The following PTPRD variants were observed in gnomAD, a reference collection of about 807,000 sequenced individuals.
The protein encoded by PTPRD is receptor-type tyrosine-protein phosphatase delta.
In PTPRD, 34 loss-of-function variants were observed where a neutral mutation model predicts 214.5. The observed-to-expected ratio is 0.16, with a 90% confidence interval of 0.12 to 0.21. The LOEUF is 0.21. Ranked by LOEUF, PTPRD falls within the 10% of genes least tolerant of loss-of-function variation. The probability of loss-of-function intolerance (pLI) is 1.00; values close to 1 mark genes in which losing one functional copy is unlikely to be tolerated. For missense variants in PTPRD, 2,545 were observed against 2,398.7 expected, an observed-to-expected ratio of 1.06 and a Z score of -1.27; for synonymous variants, 1,128 against 845.7, an observed-to-expected ratio of 1.33 and a Z score of -5.79.
intron 7 of PTPRD, among the ~76,000 whole-genome samples, chr9:9,724,114 G>A (rs886422328): frequency 1.3e-5 from 2 of 152,156 alleles, no homozygotes; most frequent in East Asian, 1.9e-4. Context: ...GATGTTTTTT[G>A]TTATTGTTGT....
intron 4 of PTPRD, among the ~76,000 whole-genome samples, chr9:9,956,351 A>C (rs138299175): frequency 5.3e-5 from 8 of 151,934 alleles, no homozygotes; most frequent in African/African-American, 1.4e-4. Context: ...GATTTAATTG[A>C]GGCTGAGAGT....
At chr9:9,477,160 T>C (rs1477285018) in intron 8 of PTPRD, among the ~76,000 whole-genome samples, 1 of 152,228 alleles carries the variant, frequency 6.6e-6, no homozygotes, top group Non-Finnish European at 1.5e-5. Flanking sequence ...ACAGTATTTA[T>C]ACCCAGGACT....
chr9:9,582,005 G>C (rs1247426076), intron 7 of PTPRD, among the ~76,000 whole-genome samples: 1 of 152,078 alleles, frequency 6.6e-6, no homozygotes, highest in Non-Finnish European at 1.5e-5. Flanking sequence ...CACTTCAAAA[G>C]CTACTAGACA....
At chr9:8,862,141 G>A (rs1165087527) in intron 11 of PTPRD, 3 of 152,248 alleles carry the variant, frequency 2.0e-5, no homozygotes, top group African/African-American at 7.2e-5. Flanking sequence ...CAGATCACTT[G>A]AGGTCAGGAG....
chr9:8,732,089 C>T lies in PTPRD; in HGVS notation c.64+1691G>A, dbSNP rs535426782. Among the ~76,000 whole-genome samples, 63 of 152,098 alleles carry T rather than the reference C, an allele frequency of 4.1e-4. 2 individuals are homozygous for T. The highest frequency in any genetic ancestry group is 2.9e-3 in the Admixed American group (45 of 15,258). Reference sequence around the variant, plus strand: ...GCATAAGAAGTGTGATGAAGAAGAACGAGAGGAAGATGGAGGAGAAAACCA... The same window carrying T: ...GCATAAGAAGTGTGATGAAGAAGAATGAGAGGAAGATGGAGGAGAAAACCA... On this transcript the variant is annotated intron_variant, in intron 12 of 45. Coordinates refer to ENST00000381196, the MANE Select transcript of PTPRD (RefSeq NM_002839.4).
chr9:9,897,099 C>T (rs2075181881), intron 5 of PTPRD, among the ~76,000 whole-genome samples: 1 of 147,334 alleles, frequency 6.8e-6, no homozygotes, highest in Admixed American at 7.0e-5. Context: ...TAAACACTTC[C>T]CTGTCATTAA....
intron 2 of PTPRD, among the ~76,000 whole-genome samples, chr9:10,365,482 T>C (rs2097498611): frequency 6.6e-6 from 1 of 152,212 alleles, no homozygotes; most frequent in Non-Finnish European, 1.5e-5. Context: ...GCTTGACAGT[T>C]TTTATTTATT....
intron 5 of PTPRD, among the ~76,000 whole-genome samples, chr9:9,887,529 C>T (rs574376942): frequency 6.6e-6 from 1 of 152,242 alleles, no homozygotes; most frequent in Non-Finnish European, 1.5e-5. Context: ...TAAAGCCCAT[C>T]ATCAAGGGGC....
intron 8 of PTPRD, among the ~76,000 whole-genome samples, chr9:9,410,806 G>A (rs1406043207): frequency 2.0e-5 from 3 of 152,136 alleles, no homozygotes; most frequent in African/African-American, 2.4e-5. Flanking sequence ...CACATGTCAT[G>A]GGCTTCCCAA....
At chr9:8,736,703 T>C (rs75048768) in intron 11 of PTPRD, among the ~76,000 whole-genome samples, 1 of 137,780 alleles carries the variant, frequency 7.3e-6, no homozygotes, top group Non-Finnish European at 1.5e-5. Context: ...GATAGTCTCC[T>C]TTTTTTTTTT....
chr9:9,885,307 C>A (rs947660739), intron 5 of PTPRD, among the ~76,000 whole-genome samples: 1 of 151,886 alleles, frequency 6.6e-6, no homozygotes, highest in Non-Finnish European at 1.5e-5. Context: ...TAAGATAAGG[C>A]CAACGTGAGA....
intron 5 of PTPRD, among the ~76,000 whole-genome samples, chr9:9,932,050 G>A (rs1160918950): frequency 1.3e-5 from 2 of 151,164 alleles, no homozygotes; most frequent in African/African-American, 4.9e-5. Flanking sequence ...CAAACAGAAA[G>A]GACATCCACA....
rs2097971349 is a variant in PTPRD, at chr9:8,524,702, T to C, written c.679+223A>G. The C allele has an allele frequency of 1.6e-5, 10 of 639,380 alleles. No homozygotes were observed. In the Admixed American group the frequency reaches 1.8e-4, roughly 12 times the overall value. 39.6% of individuals were successfully genotyped at this position (639,380 alleles called of 1,614,324 possible). On this transcript the variant is annotated intron_variant, in intron 18 of 45. Coordinates refer to ENST00000381196, the MANE Select transcript of PTPRD (RefSeq NM_002839.4). ...CAAGATGTAAAAATGCAAATATACT[T>C]ACAAACTCCAAGCCTCAGGACAGAT...
chr9:8,885,961 C>T (rs141294153), intron 11 of PTPRD, among the ~76,000 whole-genome samples: 32 of 152,230 alleles, frequency 2.1e-4, no homozygotes, highest in African/African-American at 6.7e-4. Flanking sequence ...CCATATACGA[C>T]CTAGCAGATT....
chr9:8,508,646 A>C (rs528033669), intron 21 of PTPRD, among the ~76,000 whole-genome samples: 2 of 152,342 alleles, frequency 1.3e-5, no homozygotes, highest in South Asian at 4.1e-4. Flanking sequence ...GCTTTAAAAC[A>C]TCTAAAGTGG....
chr9:9,046,978 A>T (rs892331262), intron 10 of PTPRD, among the ~76,000 whole-genome samples: 8 of 152,122 alleles, frequency 5.3e-5, no homozygotes, highest in Admixed American at 2.0e-4. Flanking sequence ...AAGTCAAATA[A>T]TCCTTGCTTG....
intron 5 of PTPRD, among the ~76,000 whole-genome samples, chr9:9,938,119 G>A (rs1274121403): frequency 6.6e-6 from 1 of 152,070 alleles, no homozygotes; most frequent in Non-Finnish European, 1.5e-5. Flanking sequence ...TACCAGTAAG[G>A]TGGCACTGAA....
intron 11 of PTPRD, among the ~76,000 whole-genome samples, chr9:8,763,978 G>C (rs568039115): frequency 3.0e-4 from 45 of 152,254 alleles, no homozygotes; most frequent in African/African-American, 8.9e-4. Flanking sequence ...TTAAATATCA[G>C]TTTCAAGAGT....
At chr9:8,542,625 A>G (rs1407651920) in intron 14 of PTPRD, among the ~76,000 whole-genome samples, 2 of 152,248 alleles carry the variant, frequency 1.3e-5, no homozygotes, top group Non-Finnish European at 2.9e-5. Flanking sequence ...GACTCTCACC[A>G]ATAGAGCTGC....
Sources: gnomAD v4.1 joint callset for allele counts (sites outside exome capture counted in the v4.1 genomes callset) on GRCh38, gnomAD v4.1.1 for gene constraint, MANE v1.5 for transcripts, NCBI Gene and HGNC (gene_info 2026-07-23, HGNC 2026-07-21) for gene names.